The following ANP32B variants were observed in gnomAD, a reference collection of about 807,000 sequenced individuals.
ANP32B encodes the protein acidic leucine-rich nuclear phosphoprotein 32 family member B.
ANP32B carries 6 observed loss-of-function variants against 32.2 expected under a neutral mutation model. The ratio of observed to expected loss-of-function variants is 0.19; its 90% CI spans 0.10 to 0.37. The LOEUF is 0.37. Among genes scored for constraint, ANP32B ranks in the 10% least tolerant of loss-of-function variants. The pLI, the probability that ANP32B is intolerant of heterozygous loss-of-function variation, is 1.00. For synonymous variants in ANP32B, 98 were observed against 105.8 expected, an observed-to-expected ratio of 0.93 and a Z score of 0.45; for missense variants, 204 against 289.2, an observed-to-expected ratio of 0.71 and a Z score of 2.14.
At chr9:98,009,212 T>G (rs1292486124) in intron 4 of ANP32B, among the ~76,000 whole-genome samples, 2 of 152,234 alleles carry the variant, frequency 1.3e-5, no homozygotes, top group East Asian at 1.9e-4. Context: ...TTCAGTAGTT[T>G]TGGCATTTGA....
chr9:98,007,955 T>C (rs1381036985), intron 4 of ANP32B, among the ~76,000 whole-genome samples: 1 of 152,166 alleles, frequency 6.6e-6, no homozygotes, highest in Non-Finnish European at 1.5e-5. Context: ...GAGATTTCTC[T>C]AAGAATAACA....
intron 4 of ANP32B, among the ~76,000 whole-genome samples, chr9:98,007,581 A>T (rs1691557627): frequency 6.6e-6 from 1 of 152,214 alleles, no homozygotes. Context: ...AGTCTTTTGA[A>T]CGATTACATA....
chr9:98,009,671 C>T (rs926624285), intron 4 of ANP32B, among the ~76,000 whole-genome samples: 14 of 152,376 alleles, frequency 9.2e-5, no homozygotes, highest in Middle Eastern at 3.4e-3. Flanking sequence ...ACCTGCTGTG[C>T]GGCCCAGGCC....
intron 4 of ANP32B, among the ~76,000 whole-genome samples, chr9:98,011,049 G>A (rs770583416): frequency 2.0e-5 from 3 of 152,020 alleles, no homozygotes; most frequent in Admixed American, 6.6e-5. Context: ...TTTCATCAGC[G>A]AGAATTATAG....
chr9:98,001,435 G>A (rs1200857665), intron 3 of ANP32B, among the ~76,000 whole-genome samples: 2 of 151,324 alleles, frequency 1.3e-5, no homozygotes, highest in African/African-American at 4.9e-5. Flanking sequence ...CTCGTGATCC[G>A]CCTGCCTCAG....
At position 98,005,869 on chromosome 9, in the gene ANP32B, T is replaced by C. The variant is rs111449384; in HGVS notation, c.517+716T>C. On this transcript the variant is annotated intron_variant, in intron 4 of 6. Transcript: ENST00000339399. ...CAACCCACAGGCCACAGACTGGTAC[T>C]ACTCCATGACCTGTTAGAAACCAGG... 6.0e-3 allele frequency among the ~76,000 whole-genome samples: 911 copies of C among 152,350 alleles called. 9 individuals carry two copies. Among genetic ancestry groups the C allele is most frequent in the African/African-American group, 0.02 (839 of 41,584 alleles).
At chr9:98,013,638 C>G (rs555599368) in intron 6 of ANP32B, among the ~76,000 whole-genome samples, 17 of 152,208 alleles carry the variant, frequency 1.1e-4, no homozygotes, top group African/African-American at 3.9e-4. Flanking sequence ...GTGACTCACG[C>G]CTGTTATCTC....
chr9:98,011,394 G>A lies in ANP32B; in HGVS notation c.636+5G>A. 6.3e-7 allele frequency: 1 copy of A among 1,588,826 alleles called. No homozygotes were observed. Among genetic ancestry groups the A allele is most frequent in the Non-Finnish European group, 8.6e-7 (1 of 1,164,676 alleles). ...GACGATGAAGTCAGTGAGGAGGTCA[G>A]TGCAGCTGTTTTCTACCCTGCTTCC... On this transcript the variant is annotated splice_donor_5th_base_variant and intron_variant, in intron 5 of 6. Coordinates refer to ENST00000339399, the MANE Select transcript of ANP32B (RefSeq NM_006401.3).
chr9:98,015,165 A>G (rs1828253351), intron 6 of ANP32B, among the ~76,000 whole-genome samples, 199 bp from the exon 7 acceptor site: 1 of 152,216 alleles, frequency 6.6e-6, no homozygotes, highest in South Asian at 2.1e-4. Context: ...GGGTGAGTTG[A>G]GGTGCTGCTG....
rs376708946 is a variant in ANP32B at position 98,012,401 on chromosome 9, T to G, written c.637-20T>G. On this transcript the variant is annotated intron_variant, in intron 5 of 6. Coordinates refer to ENST00000339399, the MANE Select transcript of ANP32B (RefSeq NM_006401.3). ...ATTTGGCAGAATTAATTTAATGTTA[T>G]GCTGTTTGCTATTCTTTAGGAAGAA... 6.2e-7 allele frequency: 1 copy of G among 1,609,242 alleles called. No individual in the cohort carries two copies. The highest frequency in any genetic ancestry group is 1.3e-5 in the African/African-American group (1 of 74,692).
chr9:98,012,395 A>G (rs1564142151), intron 5 of ANP32B, 26 bp from the exon 6 acceptor site: 1 of 1,604,476 alleles, frequency 6.2e-7, no homozygotes, highest in African/African-American at 1.3e-5. Context: ...AATTAATTTA[A>G]TGTTATGCTG....
intron 3 of ANP32B, among the ~76,000 whole-genome samples, chr9:98,004,543 T>A (rs1291788062): frequency 6.6e-6 from 1 of 152,198 alleles, no homozygotes; most frequent in East Asian, 1.9e-4. Context: ...TCTCTGAATT[T>A]TTCCCTATAC....
At chr9:97,997,440 T>C (rs1453854900) in intron 2 of ANP32B, among the ~76,000 whole-genome samples, 1 of 152,206 alleles carries the variant, frequency 6.6e-6, no homozygotes, top group Non-Finnish European at 1.5e-5. Flanking sequence ...CTTCATTACA[T>C]GAAGCTTTCA....
intron 6 of ANP32B, among the ~76,000 whole-genome samples, chr9:98,012,786 A>G (rs1460824416): frequency 2.0e-5 from 3 of 152,320 alleles, no homozygotes; most frequent in African/African-American, 7.2e-5. Context: ...GCTGGAGTGC[A>G]GTGGCACGAT....
chr9:98,007,868 C>T (rs1413883355), intron 4 of ANP32B, among the ~76,000 whole-genome samples: 1 of 152,174 alleles, frequency 6.6e-6, no homozygotes, highest in Non-Finnish European at 1.5e-5. Flanking sequence ...GAGAATACTT[C>T]TCTTACACAG....
intron 1 of ANP32B, among the ~76,000 whole-genome samples, chr9:97,984,220 GGCCCGGC>G (rs977949928): frequency 2.0e-5 from 3 of 150,840 alleles, no homozygotes; most frequent in African/African-American, 7.3e-5. Context: ...GGGCGGGCGC[GGCCCGGC>G]GCGCGGAGCG....
chr9:97,999,704 C>A (rs185949635), intron 3 of ANP32B, among the ~76,000 whole-genome samples: 4 of 152,180 alleles, frequency 2.6e-5, no homozygotes, highest in Non-Finnish European at 4.4e-5. Flanking sequence ...AATGTACTTA[C>A]TTTGCTTTGT....
At position 97,994,859 on chromosome 9, in the gene ANP32B, T is replaced by C. The variant is rs1011287031; in HGVS notation, c.204+79T>C. On this transcript the variant is annotated intron_variant, in intron 2 of 6. Coordinates refer to ENST00000339399, the MANE Select transcript of ANP32B (RefSeq NM_006401.3). ...TATGATTTTACCTGTAAGGAAGCAC[T>C]TAGTGTAGCAGAAAGCACATGGCCT... 88 of 1,404,820 alleles carry C rather than the reference T, an allele frequency of 6.3e-5. 1 individual carries two copies. Among genetic ancestry groups the C allele is most frequent in the South Asian group, 4.1e-4 (29 of 70,192 alleles). 87.0% of individuals were successfully genotyped at this position (1,404,820 alleles called of 1,614,324 possible). A position where few individuals can be genotyped will look rare whatever the true frequency, so the allele number is the denominator to read the frequency against.
intron 4 of ANP32B, 36 bp downstream of exon 4, chr9:98,005,189 G>A (rs1587878367): frequency 1.3e-6 from 2 of 1,585,720 alleles, no homozygotes; most frequent in South Asian, 1.1e-5. Flanking sequence ...CCTGATGTCT[G>A]CCTTTCAAAG....
Sources: allele counts gnomAD v4.1 joint callset (sites outside exome capture counted in the v4.1 genomes callset), GRCh38; gene constraint gnomAD v4.1.1; transcripts MANE v1.5; gene names NCBI Gene and HGNC (gene_info 2026-07-23, HGNC 2026-07-21).